CRYBG1: variants seen among roughly 807,000 people sequenced by gnomAD.
CRYBG1 encodes crystallin beta-gamma domain containing 1.
CRYBG1 carries 139 observed loss-of-function variants against 189.2 expected under a neutral mutation model. That is an observed-to-expected ratio of 0.73 (90% CI 0.64 to 0.85). The LOEUF (loss-of-function observed/expected upper bound fraction) is 0.85, where lower values mean the gene tolerates loss of function less well. Among genes scored for constraint, CRYBG1 ranks in the 40% least tolerant of loss-of-function variants. The pLI is 0.00. For missense variants in CRYBG1, 2,611 were observed against 2,675.8 expected, an observed-to-expected ratio of 0.98 and a Z score of 0.53; for synonymous variants, 1,023 against 1,017.1, an observed-to-expected ratio of 1.01 and a Z score of -0.11.
intron 1 of CRYBG1, among the ~76,000 whole-genome samples, chr6:106,390,341 C>G (rs1393737411): frequency 6.6e-6 from 1 of 152,080 alleles, no homozygotes; most frequent in African/African-American, 2.4e-5. Context: ...ATCACATTGT[C>G]TAAAGCAGTG....
At chr6:106,373,562 T>G (rs902316597) in intron 1 of CRYBG1, among the ~76,000 whole-genome samples, 4 of 152,214 alleles carry the variant, frequency 2.6e-5, no homozygotes, top group Non-Finnish European at 5.9e-5. Flanking sequence ...AGTACCCATT[T>G]CTCTCAAAAC....
intron 8 of CRYBG1, among the ~76,000 whole-genome samples, chr6:106,538,522 G>C (rs191358504): frequency 1.6e-4 from 24 of 152,292 alleles, no homozygotes; most frequent in Admixed American, 1.3e-4. Context: ...AATGCTCACA[G>C]TGATGATCCT....
At chr6:106,401,812 G>A (rs889788563) in intron 1 of CRYBG1, among the ~76,000 whole-genome samples, 2 of 138,968 alleles carry the variant, frequency 1.4e-5, no homozygotes, top group Non-Finnish European at 3.1e-5. Flanking sequence ...ATCATTGTTG[G>A]ACATTTGGGT....
chr6:106,424,719 C>T (rs56914763), intron 1 of CRYBG1, among the ~76,000 whole-genome samples: 2,042 of 152,288 alleles, frequency 0.013, 46 homozygotes, highest in African/African-American at 0.046. Flanking sequence ...GCCTCAGCCT[C>T]CCAAAGTGCT....
In CRYBG1 at chr6:106,512,179, G is replaced by C. The variant is rs113223052; in HGVS notation, c.1062G>C (p.Thr354=). 1.3e-6 allele frequency: 2 copies of C among 1,535,100 alleles called. No individual in the cohort carries two copies. Among genetic ancestry groups the C allele is most frequent in the Non-Finnish European group, 1.7e-6 (2 of 1,146,292 alleles). ...GEPPAEGAAH[T]ASSAQADCTA... is the part of the protein sequence containing the mutation. ...CTCCGGCCGAGGGCGCAGCGCACAC[G>C]GCCAGCTCCGCGCAGGCAGACTGCA... Residue 354 remains threonine, a synonymous_variant, in exon 3 of 22, where the codon ACG becomes ACC. Transcript: ENST00000633556.
At position 106,520,181 on chromosome 6, in the gene CRYBG1, T is replaced by G; in HGVS notation, c.2973T>G (p.Ser991Arg). The G allele has an allele frequency of 6.2e-7, 1 of 1,614,094 alleles. No individual in the cohort carries two copies. The highest frequency in any genetic ancestry group is 8.5e-7 in the Non-Finnish European group (1 of 1,180,030). ...AAGTGCAGTTGCCAACTTGTCACAGTAATGAACCTGAAGTGGTTTCCGTTG... is the reference window on the plus strand; with the variant it reads ...AAGTGCAGTTGCCAACTTGTCACAGGAATGAACCTGAAGTGGTTTCCGTTG... ...VREVQLPTCH[S>R]NEPEVVSVAS... The change falls in exon 4 of 22, where the codon AGT becomes AGG. Residue 991 changes from serine to arginine, a missense_variant. Ser to Arg is a moderately radical substitution (Grantham distance 110). Coordinates refer to ENST00000633556, the MANE Select transcript of CRYBG1 (RefSeq NM_001371242.2).
chr6:106,519,800 C>A lies in CRYBG1; in HGVS notation c.2592C>A (p.Ser864=). Residue 864 remains serine, a synonymous_variant, in exon 4 of 22, where the codon TCC becomes TCA. Coordinates refer to ENST00000633556, the MANE Select transcript of CRYBG1 (RefSeq NM_001371242.2). The part of the protein sequence containing the change: ...KPQHTFSDSQ[S]PAESSPGPSL... ...AGCATACATTTTCTGACTCACAGTC[C>A]CCTGCTGAGTCATCTCCTGGGCCTT... The A allele has an allele frequency of 6.2e-7, 1 of 1,614,118 alleles. No individual in the cohort carries two copies. Among genetic ancestry groups the A allele is most frequent in the Non-Finnish European group, 8.5e-7 (1 of 1,180,012 alleles).
chr6:106,469,479 T>A (rs4273725), intron 2 of CRYBG1, among the ~76,000 whole-genome samples: 12,803 of 152,230 alleles, frequency 0.084, 698 homozygotes, highest in East Asian at 0.22. Context: ...AAATATTTCT[T>A]GAATGAAGAA....
At chr6:106,560,957 ACTCTT>A in intron 19 of CRYBG1, 31 bp downstream of exon 19, 1 of 1,532,106 alleles carries the variant, frequency 6.5e-7, no homozygotes, top group Non-Finnish European at 8.8e-7. Flanking sequence ...CTCTGCATAG[ACTCTT>A]CTCTGAAATT....
rs1261226271 is a variant in CRYBG1 at position 106,448,268 on chromosome 6, C to G, written c.174-3426C>G. On this transcript the variant is annotated intron_variant, in intron 1 of 21. Transcript: ENST00000633556. ...TGGGTCACGAGGAAAGGGAATTTAG[C>G]CAACACCCCATCATTCTCCTCCTCT... Among the ~76,000 whole-genome samples, 3 of 152,182 alleles carry G rather than the reference C, an allele frequency of 2.0e-5. No homozygotes were observed. The East Asian group carries it at 5.8e-4, about 29-fold the overall frequency.
At chr6:106,445,828 A>G (rs1466537468) in intron 1 of CRYBG1, among the ~76,000 whole-genome samples, 1 of 152,160 alleles carries the variant, frequency 6.6e-6, no homozygotes, top group Non-Finnish European at 1.5e-5. Context: ...TGAAGACAAC[A>G]CTGCTTCTGA....
intron 2 of CRYBG1, among the ~76,000 whole-genome samples, chr6:106,471,469 A>G (rs1346365037): frequency 1.3e-5 from 2 of 152,186 alleles, no homozygotes; most frequent in Admixed American, 6.5e-5. Context: ...TCGGGATCAT[A>G]TCTATTTTAG....
intron 1 of CRYBG1, among the ~76,000 whole-genome samples, chr6:106,413,197 G>A (rs1770961568): frequency 6.6e-6 from 1 of 152,160 alleles, no homozygotes; most frequent in African/African-American, 2.4e-5. Flanking sequence ...TTACATGTCT[G>A]TGCTTGTGAA....
intron 1 of CRYBG1, among the ~76,000 whole-genome samples, chr6:106,385,810 T>C (rs1419889268): frequency 6.6e-6 from 1 of 152,116 alleles, no homozygotes; most frequent in East Asian, 1.9e-4. Flanking sequence ...CTCTTAAAAA[T>C]TCATGACAAA....
intron 1 of CRYBG1, among the ~76,000 whole-genome samples, chr6:106,368,834 T>C (rs1769958485): frequency 6.6e-6 from 1 of 152,066 alleles, no homozygotes; most frequent in Admixed American, 6.6e-5. Flanking sequence ...GTTTAAGAGT[T>C]TCTGCCATAA....
intron 2 of CRYBG1, among the ~76,000 whole-genome samples, chr6:106,469,531 A>G (rs1161508446): frequency 6.6e-6 from 1 of 152,136 alleles, no homozygotes; most frequent in Non-Finnish European, 1.5e-5. Context: ...AATTTCCTTA[A>G]TGATTTTATT....
intron 1 of CRYBG1, among the ~76,000 whole-genome samples, chr6:106,366,992 C>T (rs748740486): frequency 6.0e-4 from 91 of 152,098 alleles, no homozygotes; most frequent in Non-Finnish European, 1.1e-3. Flanking sequence ...AAAGGGAGAC[C>T]CTTCATGCGC....
chr6:106,511,982 G>A lies in CRYBG1; in HGVS notation c.865G>A (p.Ala289Thr). 1 of 1,530,208 alleles carries A rather than the reference G, an allele frequency of 6.5e-7. No homozygotes were observed. The highest frequency in any genetic ancestry group is 8.7e-7 in the Non-Finnish European group (1 of 1,143,502). 94.8% of individuals were successfully genotyped at this position (1,530,208 alleles called of 1,614,324 possible). ...ACCAGGTGCTGGCCACGAACAGGAG[G>A]CTTTCCTGGGTGTGAGGGGTGCGCC... ...ASPGAGHEQE[A>T]FLGVRGAPGS... Residue 289 changes from alanine (A) to threonine (T), a missense_variant, in exon 3 of 22, where the codon GCT becomes ACT. Coordinates refer to ENST00000633556, the MANE Select transcript of CRYBG1 (RefSeq NM_001371242.2).
intron 6 of CRYBG1, among the ~76,000 whole-genome samples, chr6:106,526,588 T>C (rs918738349): frequency 6.6e-6 from 1 of 152,198 alleles, no homozygotes; most frequent in Non-Finnish European, 1.5e-5. Context: ...AACATATTCA[T>C]TGATATGACT....
Sources: gnomAD v4.1 joint callset for allele counts (sites outside exome capture counted in the v4.1 genomes callset) on GRCh38, gnomAD v4.1.1 for gene constraint, MANE v1.5 for transcripts, NCBI Gene and HGNC (gene_info 2026-07-23, HGNC 2026-07-21) for gene names.